SETD5: variants seen among roughly 807,000 people sequenced by gnomAD.
The protein encoded by SETD5 is histone-lysine N-methyltransferase SETD5.
A neutral mutation model predicts 153.3 loss-of-function variants in SETD5; 44 were observed. The ratio of observed to expected loss-of-function variants is 0.29; its 90% CI spans 0.23 to 0.37. The LOEUF is 0.37. SETD5 is among the 10% of genes least tolerant of loss of function. The probability of loss-of-function intolerance (pLI) is 1.00; values close to 1 mark genes in which losing one functional copy is unlikely to be tolerated. For synonymous variants in SETD5, 716 were observed against 645.2 expected, an observed-to-expected ratio of 1.11 and a Z score of -1.66; for missense variants, 1,544 against 1,768.0, an observed-to-expected ratio of 0.87 and a Z score of 2.27.
chr3:9,417,785 A>G (rs2124834250), intron 1 of SETD5, among the ~76,000 whole-genome samples: 1 of 149,706 alleles, frequency 6.7e-6, no homozygotes, highest in South Asian at 2.1e-4. Context: ...GCGCCTGGCC[A>G]AGTCTTTTTT....
rs758960429 is a variant in SETD5, at chr3:9,473,579, G to T, written c.3497+42G>T. The T allele has an allele frequency of 4.5e-6, 7 of 1,547,248 alleles. No homozygotes were observed. The South Asian group carries it at 4.8e-5, about 11-fold the overall frequency. On this transcript the variant is annotated intron_variant, in intron 20 of 22. Coordinates refer to ENST00000402198, the MANE Select transcript of SETD5 (RefSeq NM_001080517.3). The stretch of plus-strand genomic sequence containing the variant: ...TGTTTTATAGTTAAATTGGGGGTGG[G>T]GGGGAGTATATATCTAAGATCATTC...
chr3:9,458,911 A>G (rs1383390264), intron 17 of SETD5, among the ~76,000 whole-genome samples: 1 of 152,214 alleles, frequency 6.6e-6, no homozygotes, highest in East Asian at 1.9e-4. Flanking sequence ...TTAATTTTAA[A>G]TCACTGTAAC....
In SETD5 at chr3:9,463,834, A is replaced by G. The variant is rs529426626; in HGVS notation, c.2477-591A>G. Among the ~76,000 whole-genome samples the G allele has an allele frequency of 5.9e-5, 9 of 152,378 alleles. No homozygotes were observed. The East Asian group carries it at 7.7e-4, about 13-fold the overall frequency. Reference sequence around the variant, plus strand: ...GTAACAAAGACTTTTCAGAAACTCAATGTAAAAGAAAGAACTGTAGCAGTG... The same window carrying G: ...GTAACAAAGACTTTTCAGAAACTCAGTGTAAAAGAAAGAACTGTAGCAGTG... On this transcript the variant is annotated intron_variant, in intron 17 of 22. Transcript: ENST00000402198.
chr3:9,407,988 A>G (rs1465806393), intron 1 of SETD5, among the ~76,000 whole-genome samples: 2 of 106,752 alleles, frequency 1.9e-5, no homozygotes, highest in African/African-American at 7.8e-5. Flanking sequence ...CAACAAGAGC[A>G]AAACTATGTC....
Position 9,473,555 on chromosome 3 carries a change from G to A in SETD5, c.3497+18G>A. ...AGTAGGTGGTAAGTTTATATTTGAT[G>A]TTTTATAGTTAAATTGGGGGTGGGG... On this transcript the variant is annotated intron_variant, in intron 20 of 22. Coordinates refer to ENST00000402198, the MANE Select transcript of SETD5 (RefSeq NM_001080517.3). 1 of 1,587,600 alleles carries A rather than the reference G, an allele frequency of 6.3e-7. No homozygotes were observed. The highest frequency in any genetic ancestry group is 8.6e-7 in the Non-Finnish European group (1 of 1,164,344).
intron 13 of SETD5, among the ~76,000 whole-genome samples, chr3:9,446,510 T>C (rs2042029032): frequency 6.6e-6 from 1 of 151,886 alleles, no homozygotes; most frequent in Non-Finnish European, 1.5e-5. Context: ...TTTTTTCTTT[T>C]TGAGACCGAC....
chr3:9,401,020 G>A (rs1313350036), intron 1 of SETD5, among the ~76,000 whole-genome samples: 2 of 152,170 alleles, frequency 1.3e-5, no homozygotes, highest in African/African-American at 2.4e-5. Flanking sequence ...GTTCATTTTC[G>A]TGTAAATGTA....
chr3:9,464,782 A>C, intron 18 of SETD5, 110 bp downstream of exon 18: 1 of 1,540,206 alleles, frequency 6.5e-7, no homozygotes, highest in Non-Finnish European at 8.9e-7. Flanking sequence ...TTTCTTCCCC[A>C]TCTCAGTAAG....
chr3:9,437,134 G>A (rs997867058), intron 7 of SETD5, among the ~76,000 whole-genome samples: 1 of 152,016 alleles, frequency 6.6e-6, no homozygotes, highest in African/African-American at 2.4e-5. Flanking sequence ...TTTCCTAGGG[G>A]GTAAGTGACA....
intron 13 of SETD5, among the ~76,000 whole-genome samples, chr3:9,445,965 G>GT (rs376821559): frequency 0.13 from 11,464 of 86,660 alleles, 922 homozygotes; most frequent in Non-Finnish European, 0.18. Flanking sequence ...TGAAGAGGTT[G>GT]TTTTTTTTTT....
At chr3:9,426,407 T>A (rs1378666356) in intron 2 of SETD5, among the ~76,000 whole-genome samples, 1 of 150,984 alleles carries the variant, frequency 6.6e-6, no homozygotes, top group Non-Finnish European at 1.5e-5. Flanking sequence ...GATTTATTTT[T>A]TTTTTTTGAG....
chr3:9,421,777 C>T (rs1240837176), intron 1 of SETD5, among the ~76,000 whole-genome samples: 2 of 151,984 alleles, frequency 1.3e-5, no homozygotes, highest in South Asian at 2.1e-4. Context: ...TAAATTTATT[C>T]ATTTATTGAC....
rs1444434853 is a variant in SETD5 at position 9,477,748 on chromosome 3, C to T, written c.*1657C>T. The T allele has an allele frequency of 2.0e-5, 3 of 151,488 alleles. No homozygotes were observed. The highest frequency in any genetic ancestry group is 2.9e-5 in the Non-Finnish European group (2 of 67,924). 9.4% of individuals were successfully genotyped at this position (151,488 alleles called of 1,614,324 possible). On this transcript the variant is annotated 3_prime_UTR_variant, in exon 23 of 23. Coordinates refer to ENST00000402198, the MANE Select transcript of SETD5 (RefSeq NM_001080517.3). ...GTACTTTTCTTTTTGTTGTTTCCCC[C>T]ACAAACCCATCAGTCTGGGAGAGCA...
chr3:9,472,991 G>A (rs963233405), intron 19 of SETD5, among the ~76,000 whole-genome samples: 8 of 152,166 alleles, frequency 5.3e-5, no homozygotes. Context: ...ACATTCTTTA[G>A]AGACTTGCCT....
In SETD5 at chr3:9,432,383, C is replaced by T. The variant is rs1328045102; in HGVS notation, c.72-1462C>T. Reference sequence around the variant, plus strand: ...ATCCCTCACTTCTCAATTGACATTGCACCACATTGAACTGCACACTTATTC... The same window carrying T: ...ATCCCTCACTTCTCAATTGACATTGTACCACATTGAACTGCACACTTATTC... On this transcript the variant is annotated intron_variant, in intron 3 of 22. Coordinates refer to ENST00000402198, the MANE Select transcript of SETD5 (RefSeq NM_001080517.3). 6.6e-6 allele frequency: 4 copies of T among 607,774 alleles called. No homozygotes were observed. The East Asian group carries it at 4.3e-4, about 65-fold the overall frequency. The allele number at this position is 607,774 out of a possible 1,614,324, so 37.6% of individuals were successfully genotyped here. A position where few individuals can be genotyped will look rare whatever the true frequency, so the allele number is the denominator to read the frequency against.
intron 3 of SETD5, chr3:9,431,233 T>C: frequency 1.0e-6 from 1 of 985,430 alleles, no homozygotes; most frequent in Non-Finnish European, 1.2e-6. Flanking sequence ...TTTCCAACTC[T>C]ACCATAACAG....
rs2042133431 is a variant in SETD5 at position 9,447,321 on chromosome 3, A to C, written c.1782+14A>C. On this transcript the variant is annotated intron_variant, in intron 14 of 22. Transcript: ENST00000402198. ...TCCCAAGCAGGGGTAAGAGTTGAAA[A>C]GACTTCAGCACTTAGACATCCTCAC... is the stretch of plus-strand genomic sequence containing the variant. The C allele has an allele frequency of 6.2e-7, 1 of 1,603,762 alleles. No individual in the cohort carries two copies. Among genetic ancestry groups the C allele is most frequent in the South Asian group, 1.1e-5 (1 of 89,254 alleles).
Position 9,434,842 on chromosome 3 carries a change from G to A in SETD5, c.348G>A (p.Lys116=), listed in dbSNP as rs1368025017. The change falls in exon 6 of 23, where the codon AAG becomes AAA. Residue 116 remains lysine (K), a synonymous_variant. Transcript: ENST00000402198. The surrounding 1 kb of genome is among the most constrained non-coding windows in gnomAD (Gnocchi z 5.6). ...CDKCRGMSRG[K]VIRLHRRKQD... ...TCTTTAGGGGAATGAGCAGGGGGAA[G>A]GTTATTAGACTTCATCGGCGGAAGC... 4 of 1,613,564 alleles carry A rather than the reference G, an allele frequency of 2.5e-6. No individual in the cohort carries two copies. The highest frequency in any genetic ancestry group is 3.3e-5 in the Admixed American group (2 of 59,954).
intron 16 of SETD5, among the ~76,000 whole-genome samples, chr3:9,450,486 T>C (rs941844569): frequency 2.0e-5 from 3 of 152,230 alleles, no homozygotes; most frequent in Non-Finnish European, 4.4e-5. Flanking sequence ...CAGCTTTTTA[T>C]GAGGCAAAAT....
Sources: allele counts gnomAD v4.1 joint callset (sites outside exome capture counted in the v4.1 genomes callset), GRCh38; gene constraint gnomAD v4.1.1; non-coding constraint Gnocchi (gnomAD v3.1); transcripts MANE v1.5; gene names NCBI Gene and HGNC (gene_info 2026-07-23, HGNC 2026-07-21).